EAF2: variants seen among roughly 807,000 people sequenced by gnomAD.
EAF2 encodes ELL-associated factor 2.
EAF2 carries 29 observed loss-of-function variants against 29.4 expected under a neutral mutation model. The observed-to-expected ratio is 0.99, with a 90% CI of 0.73 to 1.35. The LOEUF is 1.35. Ranked by LOEUF, EAF2 falls within the 40% of genes most tolerant of loss-of-function variation. The pLI, the probability that EAF2 is intolerant of heterozygous loss-of-function variation, is 0.00. For missense variants in EAF2, 292 were observed against 312.0 expected, an observed-to-expected ratio of 0.94 and a Z score of 0.48; for synonymous variants, 103 against 102.5, an observed-to-expected ratio of 1.00 and a Z score of -0.03.
chr3:121,866,160 A>T (rs1378976108), intron 4 of EAF2, among the ~76,000 whole-genome samples: 2 of 152,080 alleles, frequency 1.3e-5, no homozygotes, highest in Non-Finnish European at 2.9e-5. Flanking sequence ...TACGCACCAC[A>T]TCTCCTTGCC....
chr3:121,846,179 C>A (rs1429312053), intron 2 of EAF2, among the ~76,000 whole-genome samples: 2 of 152,178 alleles, frequency 1.3e-5, no homozygotes, highest in Non-Finnish European at 2.9e-5. Context: ...TCTATCCTCT[C>A]ATCTGCTGTC....
At chr3:121,840,735 A>T (rs953186909) in intron 1 of EAF2, among the ~76,000 whole-genome samples, 1 of 128,598 alleles carries the variant, frequency 7.8e-6, no homozygotes, top group African/African-American at 3.0e-5. Flanking sequence ...TGGACCCAGG[A>T]GCGGAAGTTG....
chr3:121,857,938 C>A (rs1273199208), intron 4 of EAF2, among the ~76,000 whole-genome samples: 1 of 152,122 alleles, frequency 6.6e-6, no homozygotes, highest in Non-Finnish European at 1.5e-5. Flanking sequence ...TCTGTCCTTG[C>A]AGTAGTTTGC....
chr3:121,855,067 T>G (rs1708696390), intron 3 of EAF2, among the ~76,000 whole-genome samples: 1 of 152,198 alleles, frequency 6.6e-6, no homozygotes, highest in South Asian at 2.1e-4. Context: ...GGTACACTTT[T>G]TATCCTATTG....
chr3:121,884,793 T>C (rs1419994689), intron 5 of EAF2, among the ~76,000 whole-genome samples: 1 of 152,254 alleles, frequency 6.6e-6, no homozygotes. Context: ...AAACATCTTA[T>C]AATTTATACG....
intron 1 of EAF2, chr3:121,836,917 A>G (rs1413311012): frequency 1.6e-5 from 7 of 434,934 alleles, no homozygotes; most frequent in African/African-American, 1.5e-4. Context: ...ACAAATCCCA[A>G]TTTAAATGAA....
chr3:121,862,061 G>A (rs371221922), intron 4 of EAF2, among the ~76,000 whole-genome samples: 3 of 152,104 alleles, frequency 2.0e-5, no homozygotes, highest in East Asian at 3.9e-4. Context: ...GATGGGCTTC[G>A]CTTTGTGGGT....
chr3:121,886,048 T>A (rs1325833596), intron 5 of EAF2, among the ~76,000 whole-genome samples: 1 of 152,148 alleles, frequency 6.6e-6, no homozygotes, highest in Non-Finnish European at 1.5e-5. Context: ...TACATTTTTC[T>A]CATTTCCCGA....
rs147146357 is a variant in EAF2, at chr3:121,860,219, C to T, written c.484+3063C>T. 8.6e-3 allele frequency among the ~76,000 whole-genome samples: 1,314 copies of T among 152,182 alleles called. 13 individuals carry two copies. Among genetic ancestry groups the T allele is most frequent in the African/African-American group, 0.029 (1,207 of 41,526 alleles). ...TAGGCAGGATTCCCTCTTTTTCTAT[C>T]GATTGGAATAGTTTCAGAAGGAATG... On this transcript the variant is annotated intron_variant, in intron 4 of 5. Transcript: ENST00000273668.
chr3:121,856,542 C>T (rs1024010084), intron 3 of EAF2, among the ~76,000 whole-genome samples: 5 of 152,058 alleles, frequency 3.3e-5, no homozygotes, highest in South Asian at 2.1e-4. Context: ...AGTGCAGTGG[C>T]GCAATCATAG....
chr3:121,863,459 A>C lies in EAF2; in HGVS notation c.484+6303A>C, dbSNP rs112465749. ...CAGTTTGATCTCAGACTGCTGTGCT[A>C]GCAGTGAATGAGGCTCCGTGGGCAT... is the stretch of plus-strand genomic sequence containing the variant. On this transcript the variant is annotated intron_variant, in intron 4 of 5. Coordinates refer to ENST00000273668, the MANE Select transcript of EAF2 (RefSeq NM_018456.6). 2.4e-3 allele frequency among the ~76,000 whole-genome samples: 373 copies of C among 152,298 alleles called. 3 individuals are homozygous for C. The highest frequency in any genetic ancestry group is 5.8e-3 in the South Asian group (28 of 4,832).
chr3:121,845,425 G>C (rs1341268806), intron 2 of EAF2, among the ~76,000 whole-genome samples: 3 of 101,402 alleles, frequency 3.0e-5, no homozygotes, highest in African/African-American at 1.2e-4. Flanking sequence ...GCGATAGAGC[G>C]AGACTCCTAC....
intron 2 of EAF2, among the ~76,000 whole-genome samples, chr3:121,851,235 T>A (rs1708626649): frequency 6.6e-6 from 1 of 152,180 alleles, no homozygotes; most frequent in South Asian, 2.1e-4. Flanking sequence ...TGGAGTGCAG[T>A]GGCACAATTA....
chr3:121,873,786 C>CA (rs1425820451), intron 5 of EAF2, among the ~76,000 whole-genome samples: 2 of 150,844 alleles, frequency 1.3e-5, no homozygotes, highest in Non-Finnish European at 3.0e-5. Flanking sequence ...CAGCCAGAAA[C>CA]ACTTTCTTCT....
rs144189423 is a variant in EAF2, at chr3:121,873,574, T to A, written c.736+786T>A. On this transcript the variant is annotated intron_variant, in intron 5 of 5. Transcript: ENST00000273668. ...ATCCATTATGTACACTGTAGCCATA[T>A]TGATTTTTTTCACAATTCTAATACA... 2.2e-3 allele frequency among the ~76,000 whole-genome samples: 337 copies of A among 152,030 alleles called. 11 individuals carry two copies. In the East Asian group the frequency reaches 0.048, roughly 22 times the overall value.
chr3:121,877,483 T>A (rs1051966849), intron 5 of EAF2, among the ~76,000 whole-genome samples: 1 of 151,944 alleles, frequency 6.6e-6, no homozygotes, highest in Non-Finnish European at 1.5e-5. Context: ...CAATAACAGA[T>A]TTCAAAGAAT....
In EAF2 at chr3:121,863,171, C is replaced by G. The variant is rs143492173; in HGVS notation, c.484+6015C>G. On this transcript the variant is annotated intron_variant, in intron 4 of 5. Coordinates refer to ENST00000273668, the MANE Select transcript of EAF2 (RefSeq NM_018456.6). ...GACCCACTTGAGGAGGAAGTCTGTCCGTTCTCAGATCTCAAAGTCTGTGCT... is the reference window on the plus strand; with the variant it reads ...GACCCACTTGAGGAGGAAGTCTGTCGGTTCTCAGATCTCAAAGTCTGTGCT... Among the ~76,000 whole-genome samples the G allele has an allele frequency of 6.6e-5, 10 of 152,306 alleles. No individual in the cohort carries two copies. The South Asian group carries it at 2.1e-3, about 32-fold the overall frequency.
intron 2 of EAF2, among the ~76,000 whole-genome samples, chr3:121,844,750 G>A (rs924655297): frequency 3.9e-5 from 6 of 152,026 alleles, no homozygotes; most frequent in African/African-American, 1.2e-4. Context: ...AACTATCATA[G>A]CAAATGATTT....
At chr3:121,862,187 C>A (rs1441860141) in intron 4 of EAF2, among the ~76,000 whole-genome samples, 1 of 152,100 alleles carries the variant, frequency 6.6e-6, no homozygotes, top group Non-Finnish European at 1.5e-5. Flanking sequence ...TTGTGGTATT[C>A]TCTGTATTTC....
Sources: gnomAD v4.1 joint callset for allele counts (sites outside exome capture counted in the v4.1 genomes callset) on GRCh38, gnomAD v4.1.1 for gene constraint, MANE v1.5 for transcripts, NCBI Gene and HGNC (gene_info 2026-07-23, HGNC 2026-07-21) for gene names.